FLAD1: variants seen among roughly 807,000 people sequenced by gnomAD.
The protein encoded by FLAD1 is flavin adenine dinucleotide synthetase 1, also known as bifunctional FAD diphosphatase/FAD synthase.
In FLAD1, 35 loss-of-function variants were observed where a neutral mutation model predicts 55.0. That is an observed-to-expected ratio of 0.64 (90% confidence interval 0.49 to 0.84). The LOEUF (loss-of-function observed/expected upper bound fraction) is 0.84, where lower values mean the gene tolerates loss of function less well. Among genes scored for constraint, FLAD1 ranks in the 40% least tolerant of loss-of-function variants. FLAD1 has a pLI of 0.00. For synonymous variants in FLAD1, 267 were observed against 303.0 expected, an observed-to-expected ratio of 0.88 and a Z score of 1.23; for missense variants, 665 against 742.6, an observed-to-expected ratio of 0.90 and a Z score of 1.21.
At chr1:154,987,836 G>A (rs908448245) in intron 1 of FLAD1, 117 of 895,238 alleles carry the variant, frequency 1.3e-4, no homozygotes, top group Non-Finnish European at 1.8e-4. Flanking sequence ...TACTCGGAAG[G>A]CTGGGGTGGC....
chr1:154,983,580 G>C lies in FLAD1; in HGVS notation c.-115G>C. 1 of 1,139,072 alleles carries C rather than the reference G, an allele frequency of 8.8e-7. No individual in the cohort carries two copies. Among genetic ancestry groups the C allele is most frequent in the Non-Finnish European group, 1.2e-6 (1 of 803,616 alleles). 70.6% of individuals were successfully genotyped at this position (1,139,072 alleles called of 1,614,324 possible). A position where few individuals can be genotyped will look rare whatever the true frequency, so the allele number is the denominator to read the frequency against. ...CATTTAAAGGGGTACGGATGCCCAA[G>C]GTAGAGCAGACACTTGAGGAGACCA... On this transcript the variant is annotated 5_prime_UTR_variant, in exon 1 of 7. Coordinates refer to ENST00000292180, the MANE Select transcript of FLAD1 (RefSeq NM_025207.5).
At chr1:154,986,374 G>A (rs1287494871) in intron 1 of FLAD1, among the ~76,000 whole-genome samples, 5 of 151,986 alleles carry the variant, frequency 3.3e-5, no homozygotes, top group African/African-American at 7.3e-5. Context: ...CCGCCACCAC[G>A]ACTGGCTAAT....
chr1:154,984,139 A>G (rs971702401), intron 1 of FLAD1, 73 bp downstream of exon 1: 34 of 1,326,588 alleles, frequency 2.6e-5, no homozygotes, highest in Non-Finnish European at 3.0e-5. Context: ...ACATCCCTCC[A>G]TGGAAGGAGG....
Position 154,988,247 on chromosome 1 carries a change from A to G in FLAD1, c.515A>G (p.His172Arg), listed in dbSNP as rs773171190. 11 of 1,614,164 alleles carry G rather than the reference A, an allele frequency of 6.8e-6. No individual in the cohort carries two copies. Among genetic ancestry groups the G allele is most frequent in the Non-Finnish European group, 7.6e-6 (9 of 1,180,024 alleles). Residue 172 changes from histidine (H) to arginine (R), a missense_variant, in exon 2 of 7, where the codon CAT (histidine) becomes CGT (arginine). Coordinates refer to ENST00000292180, the MANE Select transcript of FLAD1 (RefSeq NM_025207.5). ...EVTSFSNRFT[H>R]VLTAGGIGPT... ...ACTTCTTTCTCCAACCGCTTCACCC[A>G]TGTCCTCACAGCAGGGGGCATCGGC...
intron 5 of FLAD1, chr1:154,992,472 C>T (rs1657922605): frequency 1.7e-6 from 2 of 1,158,834 alleles, no homozygotes; most frequent in Non-Finnish European, 2.5e-6. Flanking sequence ...TCTCCCTGTC[C>T]TCAAGCTCCA....
rs114699616 is a variant in FLAD1 at position 154,987,045 on chromosome 1, C to G, written c.373-1060C>G. Among the ~76,000 whole-genome samples, 1,322 of 146,592 alleles carry G rather than the reference C, an allele frequency of 9.0e-3. 18 individuals carry two copies. The highest frequency in any genetic ancestry group is 0.033 in the African/African-American group (1,279 of 39,006). ...AAACACAGACCCTTTTTTTTTTTTC[C>G]TTTGGTGACAGGGTCCCTGTCACCC... On this transcript the variant is annotated intron_variant, in intron 1 of 6. Transcript: ENST00000292180.
In FLAD1 at chr1:154,990,622, G is replaced by A. The variant is rs75203870; in HGVS notation, c.1554+94G>A. The A allele has an allele frequency of 1.7e-3, 2,175 of 1,265,534 alleles. 35 individuals are homozygous for A. In the African/African-American group the frequency reaches 0.029, roughly 17 times the overall value. 78.4% of individuals were successfully genotyped at this position (1,265,534 alleles called of 1,614,324 possible). A position where few individuals can be genotyped will look rare whatever the true frequency, so the allele number is the denominator to read the frequency against. On this transcript the variant is annotated intron_variant, in intron 5 of 6. Coordinates refer to ENST00000292180, the MANE Select transcript of FLAD1 (RefSeq NM_025207.5). ...TGCAGTAGTGGGGAGGCTAGAGCCT[G>A]GAACCTGGATGAAGGGGCCTCATCA...
In FLAD1 at chr1:154,988,245, C is replaced by G. The variant is rs765442744; in HGVS notation, c.513C>G (p.Thr171=). The G allele has an allele frequency of 4.3e-6, 7 of 1,614,110 alleles. No homozygotes were observed. In the South Asian group the frequency reaches 7.7e-5, roughly 18 times the overall value. ...AEVTSFSNRF[T]HVLTAGGIGP... ...TCACTTCTTTCTCCAACCGCTTCAC[C>G]CATGTCCTCACAGCAGGGGGCATCG... is the stretch of plus-strand genomic sequence containing the variant. The change falls in exon 2 of 7, where the codon ACC becomes ACG. Residue 171 remains threonine, a synonymous_variant. Coordinates refer to ENST00000292180, the MANE Select transcript of FLAD1 (RefSeq NM_025207.5).
intron 1 of FLAD1, among the ~76,000 whole-genome samples, chr1:154,985,246 T>G (rs933665839): frequency 7.8e-4 from 118 of 150,688 alleles, no homozygotes; most frequent in African/African-American, 2.4e-3. Context: ...TTGTTTTTTT[T>G]TTTTAGATAG....
intron 5 of FLAD1, chr1:154,991,070 A>T (rs1657833602): frequency 6.6e-6 from 1 of 151,598 alleles, no homozygotes; most frequent in South Asian, 2.1e-4. Flanking sequence ...AAAATTAGCC[A>T]GGCGTGGTGG....
intron 5 of FLAD1, among the ~76,000 whole-genome samples, chr1:154,991,561 CA>C (rs956035708): frequency 6.6e-4 from 97 of 146,758 alleles, no homozygotes; most frequent in African/African-American, 1.0e-3. Flanking sequence ...TCCAAACAAA[CA>C]AAAAAAAAAT....
chr1:154,989,716 G>C lies in FLAD1; in HGVS notation c.1265+9G>C. ...CATGCAGCTGTGCAGAGGTGAGCCT[G>C]CCCCCGGGAGACAAGACCCCTGATC... is the stretch of plus-strand genomic sequence containing the variant. On this transcript the variant is annotated intron_variant, in intron 3 of 6. Transcript: ENST00000292180. The C allele has an allele frequency of 6.7e-7, 1 of 1,498,632 alleles. No homozygotes were observed. Among genetic ancestry groups the C allele is most frequent in the East Asian group, 2.4e-5 (1 of 42,318 alleles). 92.8% of individuals were successfully genotyped at this position (1,498,632 alleles called of 1,614,324 possible).
intron 1 of FLAD1, among the ~76,000 whole-genome samples, chr1:154,984,283 TGA>T (rs1442523531): frequency 6.6e-6 from 1 of 151,882 alleles, no homozygotes; most frequent in African/African-American, 2.4e-5. Context: ...TTTTTCAACC[TGA>T]GAGAGCTGAT....
At chr1:154,992,319 T>G (rs941499219) in intron 5 of FLAD1, among the ~76,000 whole-genome samples, 5 of 151,036 alleles carry the variant, frequency 3.3e-5, no homozygotes, top group African/African-American at 1.2e-4. Context: ...GGTGGGCGCC[T>G]GTAGTGCCAG....
chr1:154,992,540 CTTCTCT>C (rs1406651408), intron 5 of FLAD1, 167 bp from the exon 6 acceptor site: 9 of 1,599,396 alleles, frequency 5.6e-6, no homozygotes, highest in Middle Eastern at 1.7e-4. Flanking sequence ...AGATGAAGTC[CTTCTCT>C]TTCTCTTTGC....
In FLAD1 at chr1:154,988,142, G is replaced by A. The variant is rs61741145; in HGVS notation, c.410G>A (p.Arg137Gln). The change falls in exon 2 of 7, where the codon CGG becomes CAG. Residue 137 changes from arginine to glutamine, a missense_variant. Transcript: ENST00000292180. Reference protein sequence around the residue: ...TQDTNTFFLCRTLRSLGVQVC... With the variant: ...TQDTNTFFLCQTLRSLGVQVC... ...GACACCAACACCTTCTTTCTGTGCC[G>A]GACACTGCGCTCCCTAGGGGTCCAG... The A allele has an allele frequency of 1.6e-4, 264 of 1,614,048 alleles. 2 individuals carry two copies. Among genetic ancestry groups the A allele is most frequent in the South Asian group, 1.9e-4 (17 of 91,082 alleles).
chr1:154,986,492 T>A (rs899843702), intron 1 of FLAD1, among the ~76,000 whole-genome samples: 2 of 152,166 alleles, frequency 1.3e-5, no homozygotes, highest in African/African-American at 4.8e-5. Context: ...ATCACATATA[T>A]GTGATTTTAC....
At position 154,990,173 on chromosome 1, in the gene FLAD1, T is replaced by C; in HGVS notation, c.1280T>C (p.Val427Ala). Reference protein sequence around the residue: ...HAAVQRKLPDVPNPLQILYIR... With the variant: ...HAAVQRKLPDAPNPLQILYIR... ...CCCCTCTGCAGGAAATTACCTGATG[T>C]TCCAAACCCCCTCCAGATCCTGTAT... is the stretch of plus-strand genomic sequence containing the variant. Residue 427 changes from valine to alanine, a missense_variant, in exon 4 of 7, where the codon GTT becomes GCT. Transcript: ENST00000292180. The C allele has an allele frequency of 2.5e-6, 4 of 1,613,956 alleles. No individual in the cohort carries two copies. Among genetic ancestry groups the C allele is most frequent in the Non-Finnish European group, 2.5e-6 (3 of 1,179,866 alleles).
chr1:154,989,103 G>A (rs894309555), intron 2 of FLAD1: 1 of 872,464 alleles, frequency 1.1e-6, no homozygotes, highest in African/African-American at 1.7e-5. Context: ...AACAAAAAAA[G>A]ATGGACATTA....
Sources: gnomAD v4.1 joint callset for allele counts (sites outside exome capture counted in the v4.1 genomes callset) on GRCh38, gnomAD v4.1.1 for gene constraint, MANE v1.5 for transcripts, NCBI Gene and HGNC (gene_info 2026-07-23, HGNC 2026-07-21) for gene names.